HROB: variants seen among roughly 807,000 people sequenced by gnomAD.
HROB encodes the protein homologous recombination factor with OB-fold, also known as homologous recombination OB-fold protein.
Under a neutral mutation model 61.0 loss-of-function variants are expected in HROB, and 44 were observed. The observed-to-expected ratio is 0.72, with a 90% CI of 0.57 to 0.93. HROB has a LOEUF of 0.93. Ranked by LOEUF, HROB falls within the 40% of genes least tolerant of loss-of-function variation. The pLI is 0.00. For missense variants in HROB, 716 were observed against 796.2 expected (o/e 0.90, Z 1.21); for synonymous variants, 301 against 310.4 (o/e 0.97, Z 0.32).
chr17:44,155,433 G>T, intron 8 of HROB, 22 bp downstream of exon 8: 1 of 1,612,772 alleles, frequency 6.2e-7, no homozygotes, highest in Non-Finnish European at 8.5e-7. Context: ...AGGAAGAAAC[G>T]GGAGACTGGT....
intron 4 of HROB, 116 bp downstream of exon 4, chr17:44,151,160 C>T: frequency 1.8e-6 from 2 of 1,130,408 alleles, no homozygotes; most frequent in Non-Finnish European, 2.6e-6. Context: ...GCTGGTGTCA[C>T]ACACTAAAAG....
intron 4 of HROB, among the ~76,000 whole-genome samples, chr17:44,151,995 T>C (rs561036403): frequency 9.9e-5 from 15 of 152,182 alleles, no homozygotes; most frequent in African/African-American, 3.6e-4. Context: ...TGCAGGCGTG[T>C]GCCACCATGC....
Position 44,142,136 on chromosome 17 carries a change from C to T in HROB, c.-7C>T. The stretch of plus-strand genomic sequence containing the variant: ...AACCTCCCCGCCGAGGCCCACCCGC[C>T]GTCGCTATGGTAATGCCGCGCCCAG... On this transcript the variant is annotated 5_prime_UTR_variant, in exon 1 of 10. Transcript: ENST00000585683. 6.5e-7 allele frequency: 1 copy of T among 1,529,098 alleles called. No homozygotes were observed. The highest frequency in any genetic ancestry group is 8.7e-7 in the Non-Finnish European group (1 of 1,143,580). 94.7% of individuals were successfully genotyped at this position (1,529,098 alleles called of 1,614,324 possible).
At chr17:44,151,135 C>A in intron 4 of HROB, 91 bp downstream of exon 4, 1 of 1,302,546 alleles carries the variant, frequency 7.7e-7, no homozygotes, top group Non-Finnish European at 1.1e-6. Context: ...AGAGCTGATG[C>A]TGCTAGGCCT....
At position 44,153,266 on chromosome 17, in the gene HROB, C is replaced by T. The variant is rs537293168; in HGVS notation, c.1449+489C>T. 5.3e-5 allele frequency among the ~76,000 whole-genome samples: 8 copies of T among 150,100 alleles called. No individual in the cohort carries two copies. The East Asian group carries it at 1.4e-3, about 26-fold the overall frequency. On this transcript the variant is annotated intron_variant, in intron 5 of 9. Transcript: ENST00000585683. ...TTCGAGACCAGCCTGGGCAACAAAG[C>T]GAGACCCTGTCTCTACAAAAAAATA...
At position 44,148,384 on chromosome 17, in the gene HROB, C is replaced by G. The variant is rs748585124; in HGVS notation, c.581C>G (p.Ser194Ter). The change falls in exon 3 of 10, where the codon TCA becomes TGA. Residue 194 changes from serine to a stop codon, truncating the protein, a stop_gained. Transcript: ENST00000585683. LOFTEE classifies it high-confidence loss of function. ...PILPAQQREGSVLAKKARVVD... is the reference protein window; with the variant it reads ...PILPAQQREG Reference sequence around the variant, plus strand: ...CTGCCTGCCCAGCAGCGGGAGGGTTCAGTATTGGCTAAAAAAGCCCGGGTA... The same window carrying G: ...CTGCCTGCCCAGCAGCGGGAGGGTTGAGTATTGGCTAAAAAAGCCCGGGTA... The G allele has an allele frequency of 2.5e-6, 4 of 1,613,950 alleles. No individual in the cohort carries two copies. The Admixed American group carries it at 6.7e-5, about 27-fold the overall frequency.
At chr17:44,161,760 C>A in intron 9 of HROB, 111 bp from the exon 10 acceptor site, 2 of 1,203,726 alleles carry the variant, frequency 1.7e-6, no homozygotes, top group Non-Finnish European at 2.4e-6. Flanking sequence ...GAGCCGCCTG[C>A]CCAGCTATAC....
In HROB at chr17:44,154,920, A is replaced by C; in HGVS notation, c.1626A>C (p.Ser542=). The change falls in exon 7 of 10, where the codon TCA becomes TCC. Residue 542 remains serine (S), a synonymous_variant. Transcript: ENST00000585683. ...GCCAGAATGAGCTGAAGCCTGGCTC[A>C]GTGCTGCTGCTGAAGCAGGTATGGG... is the stretch of plus-strand genomic sequence containing the variant. ...ETCQNELKPG[S]VLLLKQIGVF... 6.2e-7 allele frequency: 1 copy of C among 1,613,882 alleles called. No individual in the cohort carries two copies.
chr17:44,152,991 G>C (rs1598099308), intron 5 of HROB, among the ~76,000 whole-genome samples: 1 of 152,112 alleles, frequency 6.6e-6, no homozygotes, highest in Non-Finnish European at 1.5e-5. Context: ...GTGGGTTATG[G>C]TATGCCTCTG....
intron 4 of HROB, 128 bp downstream of exon 4, chr17:44,151,172 C>T: frequency 1.0e-6 from 1 of 979,264 alleles, no homozygotes; most frequent in Non-Finnish European, 1.5e-6. Context: ...CACTAAAAGG[C>T]ATTTGAGGCA....
chr17:44,153,447 C>T (rs1374284874), intron 5 of HROB, among the ~76,000 whole-genome samples: 1 of 151,872 alleles, frequency 6.6e-6, no homozygotes, highest in Non-Finnish European at 1.5e-5. Context: ...AGAGCGAGAG[C>T]TTGTCTCCTT....
At chr17:44,157,254 A>G (rs903784357) in intron 8 of HROB, among the ~76,000 whole-genome samples, 2 of 152,212 alleles carry the variant, frequency 1.3e-5, no homozygotes, top group Non-Finnish European at 2.9e-5. Flanking sequence ...AAAATATTAG[A>G]TACCAACAGA....
Position 44,162,168 on chromosome 17 carries a change from G to T in HROB, c.*236G>T. ...AATCCGGCCGGAGACTGGCTCTCCA[G>T]CCAACAAGAAAGGCCTGTCACCCTC... On this transcript the variant is annotated 3_prime_UTR_variant, in exon 10 of 10. Transcript: ENST00000585683. 2.0e-6 allele frequency: 1 copy of T among 504,498 alleles called. No homozygotes were observed. Among genetic ancestry groups the T allele is most frequent in the African/African-American group, 1.9e-5 (1 of 51,438 alleles). 31.3% of individuals were successfully genotyped at this position (504,498 alleles called of 1,614,324 possible). A position where few individuals can be genotyped will look rare whatever the true frequency, so the allele number is the denominator to read the frequency against.
intron 3 of HROB, 44 bp from the exon 4 acceptor site, chr17:44,150,917 A>G: frequency 6.7e-7 from 1 of 1,497,874 alleles, no homozygotes; most frequent in Non-Finnish European, 9.3e-7. Context: ...TGTAAATAAC[A>G]GCTGCTAAGC....
At position 44,142,021 on chromosome 17, in the gene HROB, A is replaced by G; in HGVS notation, c.-122A>G. The G allele has an allele frequency of 7.3e-7, 1 of 1,364,550 alleles. No homozygotes were observed. The allele number at this position is 1,364,550 out of a possible 1,614,324, so 84.5% of individuals were successfully genotyped here. ...CGCAGAGACTCATCCCTCTGACCCCAGCCCGGAAGCACTGTCCCTCGGAGT... is the reference window on the plus strand; with the variant it reads ...CGCAGAGACTCATCCCTCTGACCCCGGCCCGGAAGCACTGTCCCTCGGAGT... On this transcript the variant is annotated 5_prime_UTR_variant, in exon 1 of 10. Coordinates refer to ENST00000585683, the MANE Select transcript of HROB (RefSeq NM_001171251.3).
In HROB at chr17:44,148,623, CCTGTT is replaced by C. The variant is rs2053694225; in HGVS notation, c.822_826del (p.Val275SerfsTer9). The C allele has an allele frequency of 6.2e-7, 1 of 1,613,530 alleles. No individual in the cohort carries two copies. The highest frequency in any genetic ancestry group is 1.1e-5 in the South Asian group (1 of 91,082). On this transcript the variant is annotated frameshift_variant, in exon 3 of 10. Coordinates refer to ENST00000585683, the MANE Select transcript of HROB (RefSeq NM_001171251.3). LOFTEE classifies it high-confidence loss of function. The stretch of plus-strand genomic sequence containing the variant: ...CTGGGAAGTCTGTCCGCAACGCTCC[CCTGTT>C]CAAGCACTTCAGCCTCTCCAAGCTG...
At chr17:44,147,828 C>G in intron 2 of HROB, 30 bp from the exon 3 acceptor site, 1 of 1,583,536 alleles carries the variant, frequency 6.3e-7, no homozygotes, top group Non-Finnish European at 8.6e-7. Flanking sequence ...TTTCCAGATG[C>G]CAAGACCTAC....
rs548954240 is a variant in HROB, at chr17:44,158,114, C to T, written c.1879+173C>T. On this transcript the variant is annotated intron_variant, in intron 9 of 9. Transcript: ENST00000585683. ...TTGGCAAGGCTGCAGGCCACAAACT[C>T]GTTAACAGTGTGATGGGGCCATGTA... Among the ~76,000 whole-genome samples, 27 of 152,302 alleles carry T rather than the reference C, an allele frequency of 1.8e-4. 1 individual carries two copies. The South Asian group carries it at 5.6e-3, about 32-fold the overall frequency.
At position 44,148,953 on chromosome 17, in the gene HROB, C is replaced by T; in HGVS notation, c.1150C>T (p.Gln384Ter). 6.2e-7 allele frequency: 1 copy of T among 1,614,122 alleles called. No individual in the cohort carries two copies. The highest frequency in any genetic ancestry group is 8.5e-7 in the Non-Finnish European group (1 of 1,179,996). Residue 384 changes from glutamine (Q) to a stop codon, truncating the protein, a stop_gained, in exon 3 of 10, where the codon CAG (glutamine) becomes TAG (stop). Transcript: ENST00000585683. LOFTEE classifies it high-confidence loss of function. ...AGTCACTGCTGCCAGCCGGACACCC[C>T]AGCAGCCCACCCATCCCTCCACCCG... ...QLVTAASRTP[Q>*]QPTHPSTRAK...
Sources: allele counts gnomAD v4.1 joint callset (sites outside exome capture counted in the v4.1 genomes callset), GRCh38; gene constraint gnomAD v4.1.1; transcripts MANE v1.5; gene names NCBI Gene and HGNC (gene_info 2026-07-23, HGNC 2026-07-21).